SFI1: variants seen among roughly 807,000 people sequenced by gnomAD.
The protein encoded by SFI1 is protein SFI1 homolog.
In SFI1, 195 loss-of-function variants were observed where a neutral mutation model predicts 207.5. The observed-to-expected ratio is 0.94, with a 90% CI of 0.84 to 1.06. The LOEUF (loss-of-function observed/expected upper bound fraction) is 1.06. Ranked by LOEUF, SFI1 falls within the 50% of genes least tolerant of loss-of-function variation. The pLI is 0.00. For missense variants in SFI1, 1,634 were observed against 1,588.0 expected, an observed-to-expected ratio of 1.03 and a Z score of -0.49; for synonymous variants, 630 against 598.9, an observed-to-expected ratio of 1.05 and a Z score of -0.76.
Position 31,508,554 on chromosome 22 carries a change from G to A in SFI1, c.92+178G>A, listed in dbSNP as rs146303185. Reference sequence around the variant, plus strand: ...AGATAATACACATTTCGTACATTATGTTACAGTCAAAAAACATTCTGAGTA... The same window carrying A: ...AGATAATACACATTTCGTACATTATATTACAGTCAAAAAACATTCTGAGTA... On this transcript the variant is annotated intron_variant, in intron 2 of 32. Coordinates refer to ENST00000400288, the MANE Select transcript of SFI1 (RefSeq NM_001007467.3). Among the ~76,000 whole-genome samples the A allele has an allele frequency of 4.8e-3, 736 of 152,216 alleles. 4 individuals are homozygous for A. Among genetic ancestry groups the A allele is most frequent in the African/African-American group, 0.017 (697 of 41,518 alleles).
intron 30 of SFI1, 58 bp from the exon 31 acceptor site, chr22:31,616,942 T>G (rs2295250): frequency 6.2e-7 from 1 of 1,613,112 alleles, no homozygotes; most frequent in African/African-American, 1.3e-5. Context: ...GGACTTGCTA[T>G]TTACCCTGGT....
chr22:31,579,420 A>G (rs1428918381), intron 11 of SFI1, among the ~76,000 whole-genome samples: 2 of 151,188 alleles, frequency 1.3e-5, no homozygotes, highest in Non-Finnish European at 2.9e-5. Flanking sequence ...GGTTCACGCC[A>G]TTCTCCTGCC....
At position 31,611,700 on chromosome 22, in the gene SFI1, A is replaced by G. The variant is rs1603352634; in HGVS notation, c.2416-66A>G. The G allele has an allele frequency of 6.0e-6, 9 of 1,500,870 alleles. No homozygotes were observed. In the East Asian group the frequency reaches 2.1e-4, roughly 35 times the overall value. 93.0% of individuals were successfully genotyped at this position (1,500,870 alleles called of 1,614,324 possible). On this transcript the variant is annotated intron_variant, in intron 23 of 32. Transcript: ENST00000400288. ...AGCTGGGCAGAGGCTGGGTTAGATC[A>G]GGACCCACCCCAGGCTGTCTAGGCT... is the stretch of plus-strand genomic sequence containing the variant.
intron 12 of SFI1, among the ~76,000 whole-genome samples, 184 bp downstream of exon 12, chr22:31,580,548 T>TC (rs1461971838): frequency 6.9e-6 from 1 of 145,862 alleles, no homozygotes; most frequent in Non-Finnish European, 1.5e-5. Context: ...TTTTCTTTTT[T>TC]TTTTTTTTTT....
In SFI1 at chr22:31,618,161, A is replaced by C; in HGVS notation, c.3559A>C (p.Asn1187His). ...ASSLRRWLELNREEPGPEDQE... is the reference protein window; with the variant it reads ...ASSLRRWLELHREEPGPEDQE... ...CAGCCTGCGCAGGTGGCTGGAGCTG[A>C]ACAGAGAGGAGCCGGGGCCTGAGGA... The change falls in exon 32 of 33, where the codon AAC becomes CAC. Residue 1187 changes from asparagine to histidine, a missense_variant. By Grantham distance (68) the Asn-to-His change is moderately conservative. Transcript: ENST00000400288. The C allele has an allele frequency of 1.9e-6, 3 of 1,592,438 alleles. No homozygotes were observed. The highest frequency in any genetic ancestry group is 2.6e-6 in the Non-Finnish European group (3 of 1,171,574).
chr22:31,579,643 A>C (rs1805587773), intron 11 of SFI1, among the ~76,000 whole-genome samples: 1 of 151,928 alleles, frequency 6.6e-6, no homozygotes, highest in African/African-American at 2.4e-5. Flanking sequence ...ATACAGACGG[A>C]GTCTCCTTCT....
At chr22:31,501,105 T>G (rs1366146099) in intron 1 of SFI1, among the ~76,000 whole-genome samples, 1 of 151,870 alleles carries the variant, frequency 6.6e-6, no homozygotes, top group African/African-American at 2.4e-5. Flanking sequence ...CCAAATATTT[T>G]TAAATTAAGG....
chr22:31,531,761 C>T (rs1321194724), intron 4 of SFI1, among the ~76,000 whole-genome samples: 9 of 152,108 alleles, frequency 5.9e-5, no homozygotes, highest in South Asian at 2.1e-4. Flanking sequence ...GACGTGGTGG[C>T]GCATGCCTGT....
intron 2 of SFI1, among the ~76,000 whole-genome samples, chr22:31,524,698 ATTT>A (rs59764922): frequency 2.8e-4 from 39 of 137,432 alleles, no homozygotes; most frequent in East Asian, 4.3e-4. Flanking sequence ...TTTTAATTGG[ATTT>A]TTTTTTTTTT....
intron 24 of SFI1, chr22:31,612,868 T>G: frequency 2.1e-6 from 1 of 481,678 alleles, no homozygotes; most frequent in Non-Finnish European, 3.8e-6. Context: ...TGTTGTCCTG[T>G]TTTCACCATT....
intron 2 of SFI1, among the ~76,000 whole-genome samples, chr22:31,512,355 C>CA (rs1215817231): frequency 0.03 from 2,915 of 97,460 alleles, 32 homozygotes; most frequent in Middle Eastern, 0.049. Flanking sequence ...AACTCCATCT[C>CA]AAAAAAAAAA....
intron 23 of SFI1, among the ~76,000 whole-genome samples, chr22:31,611,539 G>A (rs895430222): frequency 6.6e-6 from 1 of 152,194 alleles, no homozygotes; most frequent in Non-Finnish European, 1.5e-5. Context: ...ACGGCTCAGC[G>A]GAAAAACCCG....
chr22:31,593,381 C>G (rs1352577599), intron 15 of SFI1, among the ~76,000 whole-genome samples: 5 of 138,976 alleles, frequency 3.6e-5, no homozygotes, highest in Non-Finnish European at 7.9e-5. Flanking sequence ...GAGGCGCTCC[C>G]CACATCTCAG....
intron 22 of SFI1, among the ~76,000 whole-genome samples, chr22:31,609,143 T>C (rs1347765722): frequency 6.6e-6 from 1 of 151,932 alleles, no homozygotes; most frequent in African/African-American, 2.4e-5. Context: ...GGACTACAGG[T>C]GTGTGCCACC....
intron 8 of SFI1, among the ~76,000 whole-genome samples, chr22:31,571,940 TATGC>T (rs1209702374): frequency 1.3e-5 from 2 of 152,108 alleles, no homozygotes; most frequent in African/African-American, 4.8e-5. Context: ...AGCACATTGA[TATGC>T]TGATTTCAAA....
rs780222011 is a variant in SFI1, at chr22:31,573,188, T to C, written c.896T>C (p.Val299Ala). 6.2e-6 allele frequency: 10 copies of C among 1,613,846 alleles called. No individual in the cohort carries two copies. The East Asian group carries it at 2.2e-4, about 36-fold the overall frequency. ...AAGGCCTGGCTTGAATACCTGCAAG[T>C]CCGCAGAGTGAAGAGACAGCAGAAT... ...FLKAWLEYLQ[V>A]RRVKRQQNEM... Residue 299 changes from valine (V) to alanine (A), a missense_variant, in exon 9 of 33, where the codon GTC (valine) becomes GCC (alanine). Val to Ala is a moderately conservative substitution (Grantham distance 64). Transcript: ENST00000400288.
intron 8 of SFI1, among the ~76,000 whole-genome samples, chr22:31,565,494 C>G (rs2062197398): frequency 7.2e-6 from 1 of 139,192 alleles, no homozygotes; most frequent in South Asian, 2.3e-4. Context: ...TTTAGGAGTT[C>G]AAGACCAGAC....
intron 8 of SFI1, among the ~76,000 whole-genome samples, chr22:31,572,590 G>C (rs1434164991): frequency 6.6e-6 from 1 of 151,824 alleles, no homozygotes; most frequent in African/African-American, 2.4e-5. Flanking sequence ...CAACCTCCAC[G>C]TCCTGGGTTC....
At chr22:31,541,743 C>CAAA (rs71673219) in intron 4 of SFI1, among the ~76,000 whole-genome samples, 2 of 86,226 alleles carry the variant, frequency 2.3e-5, no homozygotes, top group African/African-American at 5.0e-5. Context: ...GACTCCATCT[C>CAAA]AAAAAAAAAA....
Sources: gnomAD v4.1 joint callset for allele counts (sites outside exome capture counted in the v4.1 genomes callset) on GRCh38, gnomAD v4.1.1 for gene constraint, MANE v1.5 for transcripts, NCBI Gene and HGNC (gene_info 2026-07-23, HGNC 2026-07-21) for gene names.